Variants in ADAM22 observed in about 807,000 individuals in gnomAD.
The protein encoded by ADAM22 is ADAM metallopeptidase domain 22, also known as disintegrin and metalloproteinase domain-containing protein 22.
Under a neutral mutation model 144.6 loss-of-function variants are expected in ADAM22, and 65 were observed. That is an observed-to-expected ratio of 0.45 (90% CI 0.37 to 0.55). The LOEUF is 0.55. ADAM22 is among the 20% of genes least tolerant of loss of function. ADAM22 has a pLI of 0.00. For missense variants in ADAM22, 974 were observed against 1,184.9 expected, an observed-to-expected ratio of 0.82 and a Z score of 2.61; for synonymous variants, 391 against 412.6, an observed-to-expected ratio of 0.95 and a Z score of 0.63.
intron 15 of ADAM22, 127 bp downstream of exon 15, chr7:88,143,252 A>T (rs540487398): frequency 1.7e-6 from 1 of 582,438 alleles, no homozygotes; most frequent in African/African-American, 1.9e-5. Context: ...CATATTCTAG[A>T]TATGCTATAT....
At chr7:88,133,434 G>A (rs1181097364) in intron 12 of ADAM22, among the ~76,000 whole-genome samples, 1 of 151,718 alleles carries the variant, frequency 6.6e-6, no homozygotes, top group East Asian at 1.9e-4. Context: ...TATGGTTACT[G>A]TAAGTGACCA....
intron 3 of ADAM22, among the ~76,000 whole-genome samples, chr7:88,044,152 G>A (rs1452076489): frequency 6.6e-6 from 1 of 152,170 alleles, no homozygotes; most frequent in African/African-American, 2.4e-5. Flanking sequence ...AATAGCCCTT[G>A]ACTGCTCTCA....
intron 3 of ADAM22, among the ~76,000 whole-genome samples, chr7:88,032,760 T>A (rs886319076): frequency 3.9e-5 from 6 of 152,156 alleles, no homozygotes; most frequent in African/African-American, 1.4e-4. Context: ...TGGATTGTAA[T>A]GGTTTAACAC....
intron 3 of ADAM22, among the ~76,000 whole-genome samples, chr7:87,985,495 C>T (rs1368626193): frequency 1.3e-5 from 2 of 152,064 alleles, no homozygotes; most frequent in East Asian, 3.8e-4. Context: ...TTCCTGGTCC[C>T]AGCCCAATGC....
At chr7:88,003,246 A>G (rs1278078736) in intron 3 of ADAM22, among the ~76,000 whole-genome samples, 1 of 152,256 alleles carries the variant, frequency 6.6e-6, no homozygotes, top group African/African-American at 2.4e-5. Flanking sequence ...TGTCAATTTA[A>G]AATTGCCCTC....
chr7:87,998,352 C>T (rs1791736985), intron 3 of ADAM22, among the ~76,000 whole-genome samples: 1 of 152,154 alleles, frequency 6.6e-6, no homozygotes, highest in Non-Finnish European at 1.5e-5. Context: ...CATGGGATTA[C>T]ATTAGACCCC....
intron 20 of ADAM22, among the ~76,000 whole-genome samples, chr7:88,152,245 G>A (rs534068448): frequency 5.9e-5 from 9 of 152,184 alleles, no homozygotes; most frequent in South Asian, 2.1e-4. Context: ...CATAACTACC[G>A]ACATAACTAT....
chr7:87,945,713 C>T lies in ADAM22; in HGVS notation c.246+10527C>T, dbSNP rs1047423604. Among the ~76,000 whole-genome samples, 5 of 152,096 alleles carry T rather than the reference C, an allele frequency of 3.3e-5. No homozygotes were observed. In the South Asian group the frequency reaches 8.3e-4, roughly 25 times the overall value. On this transcript the variant is annotated intron_variant, in intron 2 of 31. Coordinates refer to ENST00000413139, the MANE Select transcript of ADAM22 (RefSeq NM_001324418.2). ...ATTTTTAGTAGAGACGGGGGTTTCA[C>T]CTTCTTGGCCAGGCTGGTCTTGAAC...
chr7:88,115,036 A>G (rs1827396048), intron 6 of ADAM22, among the ~76,000 whole-genome samples: 1 of 151,700 alleles, frequency 6.6e-6, no homozygotes, highest in Non-Finnish European at 1.5e-5. Context: ...GCATGAGGTC[A>G]GGAGTTAGAG....
intron 3 of ADAM22, among the ~76,000 whole-genome samples, chr7:87,979,499 C>T (rs925619468): frequency 1.3e-5 from 2 of 152,092 alleles, no homozygotes; most frequent in Non-Finnish European, 2.9e-5. Flanking sequence ...TACTTATCAC[C>T]ATTTAATATA....
intron 8 of ADAM22, among the ~76,000 whole-genome samples, chr7:88,126,523 C>G (rs983389918): frequency 3.3e-5 from 5 of 151,802 alleles, no homozygotes; most frequent in African/African-American, 1.2e-4. Flanking sequence ...TACCTTGTAC[C>G]TGGCCCTATT....
intron 3 of ADAM22, among the ~76,000 whole-genome samples, chr7:87,994,441 G>A (rs1004964795): frequency 4.6e-5 from 7 of 151,982 alleles, no homozygotes; most frequent in Non-Finnish European, 5.9e-5. Context: ...GATTACAGGC[G>A]TGAGCCACCG....
chr7:88,128,058 G>A (rs1324098648), intron 8 of ADAM22, among the ~76,000 whole-genome samples: 1 of 151,954 alleles, frequency 6.6e-6, no homozygotes, highest in East Asian at 1.9e-4. Context: ...AAACGTCCTA[G>A]ATGAAGGCAC....
intron 3 of ADAM22, among the ~76,000 whole-genome samples, chr7:87,986,637 A>G (rs1476091371): frequency 5.9e-5 from 9 of 152,222 alleles, no homozygotes; most frequent in African/African-American, 9.7e-5. Flanking sequence ...CGAGCTTACT[A>G]GAGTAGCATC....
intron 3 of ADAM22, among the ~76,000 whole-genome samples, chr7:88,009,197 C>T (rs1397647253): frequency 2.0e-5 from 3 of 152,130 alleles, no homozygotes; most frequent in Non-Finnish European, 4.4e-5. Context: ...CCCCATGACA[C>T]AGTTTGTTAT....
intron 3 of ADAM22, among the ~76,000 whole-genome samples, chr7:88,005,107 C>A (rs951487373): frequency 2.0e-5 from 3 of 152,062 alleles, no homozygotes; most frequent in Non-Finnish European, 4.4e-5. Flanking sequence ...CCAACCTGGG[C>A]AATATAGGGA....
rs190766808 is a variant in ADAM22 at position 88,009,099 on chromosome 7, A to G, written c.323+30687A>G. Among the ~76,000 whole-genome samples, 216 of 152,230 alleles carry G rather than the reference A, an allele frequency of 1.4e-3. 1 individual carries two copies. The highest frequency in any genetic ancestry group is 0.01 in the Middle Eastern group (3 of 294). ...TGTGGATTTTAGTCAAATTTGGGAA[A>G]ACCTCTGTCATAGTGCAGTCTAAGA... On this transcript the variant is annotated intron_variant, in intron 3 of 31. Coordinates refer to ENST00000413139, the MANE Select transcript of ADAM22 (RefSeq NM_001324418.2).
chr7:88,043,666 C>T (rs1179393550), intron 3 of ADAM22, among the ~76,000 whole-genome samples: 3 of 151,060 alleles, frequency 2.0e-5, no homozygotes, highest in Non-Finnish European at 4.4e-5. Flanking sequence ...TGTGGAGTGC[C>T]CTCCAACATG....
At chr7:88,030,422 CT>C (rs1799969694) in intron 3 of ADAM22, among the ~76,000 whole-genome samples, 1 of 152,046 alleles carries the variant, frequency 6.6e-6, no homozygotes, top group Non-Finnish European at 1.5e-5. Flanking sequence ...CAAAACAGCC[CT>C]TTTGAAATCT....
Sources: allele counts gnomAD v4.1 joint callset (sites outside exome capture counted in the v4.1 genomes callset), GRCh38; gene constraint gnomAD v4.1.1; transcripts MANE v1.5; gene names NCBI Gene and HGNC (gene_info 2026-07-23, HGNC 2026-07-21).